The following SLC66A2 variants were observed in gnomAD, a reference collection of about 807,000 sequenced individuals.
The protein encoded by SLC66A2 is PQ loop repeat containing 1.
Under a neutral mutation model 25.5 loss-of-function variants are expected in SLC66A2, and 23 were observed. The ratio of observed to expected loss-of-function variants is 0.90; its 90% CI spans 0.65 to 1.28. The LOEUF is 1.28. Ranked by LOEUF, SLC66A2 falls within the 50% of genes most tolerant of loss-of-function variation. The pLI is 0.00. For synonymous variants in SLC66A2, 193 were observed against 166.5 expected, an observed-to-expected ratio of 1.16 and a Z score of -1.23; for missense variants, 396 against 373.1, an observed-to-expected ratio of 1.06 and a Z score of -0.51.
rs74469176 is a variant in SLC66A2, at chr18:79,940,674, C to G, written c.337+2655G>C. ...AGTGATGTTCCTGCCTTGCCCTCCC[C>G]TCTCCTGGCAGATGAGAGGACATGA... On this transcript the variant is annotated intron_variant, in intron 3 of 5. Transcript: ENST00000397778. The surrounding 1 kb of genome is among the most constrained non-coding windows in gnomAD (Gnocchi z 4.1). Among the ~76,000 whole-genome samples the G allele has an allele frequency of 6.6e-6, 1 of 152,100 alleles. No individual in the cohort carries two copies. The highest frequency in any genetic ancestry group is 1.9e-4 in the East Asian group (1 of 5,176).
At chr18:79,923,702 C>T (rs1252630848) in intron 4 of SLC66A2, among the ~76,000 whole-genome samples, 1 of 152,076 alleles carries the variant, frequency 6.6e-6, no homozygotes, top group African/African-American at 2.4e-5. Context: ...AGCTGTAAAA[C>T]CAAAAGCACA....
At chr18:79,942,922 T>C (rs985200808) in intron 3 of SLC66A2, among the ~76,000 whole-genome samples, 41 of 152,302 alleles carry the variant, frequency 2.7e-4, no homozygotes, top group African/African-American at 8.9e-4. Flanking sequence ...AAGGTACCCC[T>C]GAGTCACAGC....
chr18:79,929,175 C>A (rs1986303982), intron 4 of SLC66A2, among the ~76,000 whole-genome samples: 1 of 152,174 alleles, frequency 6.6e-6, no homozygotes, highest in Non-Finnish European at 1.5e-5. Flanking sequence ...AAAGGACAAC[C>A]AAGAGGAGCA....
rs1984449502 is a variant in SLC66A2 at position 79,918,098 on chromosome 18, CCT to C, written c.608+1084_608+1085del. 6.6e-6 allele frequency among the ~76,000 whole-genome samples: 1 copy of C among 152,088 alleles called. No homozygotes were observed. The highest frequency in any genetic ancestry group is 1.5e-5 in the Non-Finnish European group (1 of 68,004). On this transcript the variant is annotated intron_variant, in intron 5 of 5. Transcript: ENST00000397778. This position sits in a 1 kb window ranked among gnomAD's most constrained non-coding sequence, Gnocchi z 4.0. ...CCTACGACAAGCCCTCCTACCTTTA[CCT>C]CTCACGGGCAACTGAACCTACACAC...
At chr18:79,948,139 T>C (rs371411918) in intron 2 of SLC66A2, among the ~76,000 whole-genome samples, 30 of 152,338 alleles carry the variant, frequency 2.0e-4, no homozygotes, top group African/African-American at 5.3e-4. Context: ...AAGAGACCCA[T>C]GGACAAAGTT....
In SLC66A2 at chr18:79,918,694, A is replaced by G. The variant is rs1036097446; in HGVS notation, c.608+490T>C. Among the ~76,000 whole-genome samples, 2 of 152,216 alleles carry G rather than the reference A, an allele frequency of 1.3e-5. No homozygotes were observed. Among genetic ancestry groups the G allele is most frequent in the African/African-American group, 4.8e-5 (2 of 41,462 alleles). ...ACGCACTGGTGCAGGGCGCCCAGGC[A>G]TGGTCTGTGGTTCCGAACGTCAGCC... is the stretch of plus-strand genomic sequence containing the variant. On this transcript the variant is annotated intron_variant, in intron 5 of 5. Transcript: ENST00000397778. This position sits in a 1 kb window ranked among gnomAD's most constrained non-coding sequence, Gnocchi z 4.0.
At chr18:79,909,028 T>C (rs374801570) in intron 5 of SLC66A2, among the ~76,000 whole-genome samples, 33 of 152,224 alleles carry the variant, frequency 2.2e-4, no homozygotes, top group East Asian at 7.7e-4. Context: ...AACTCAACTC[T>C]TCATACATAA....
At chr18:79,939,576 C>T (rs147403629) in intron 3 of SLC66A2, among the ~76,000 whole-genome samples, 2,359 of 152,212 alleles carry the variant, frequency 0.015, 64 homozygotes, top group African/African-American at 0.054. Flanking sequence ...GGGCAAAGGA[C>T]ATGAACACTT....
At chr18:79,924,282 C>G (rs1439115217) in intron 4 of SLC66A2, among the ~76,000 whole-genome samples, 1 of 152,128 alleles carries the variant, frequency 6.6e-6, no homozygotes, top group Non-Finnish European at 1.5e-5. Context: ...ATTCATGCAA[C>G]AACACGGATG....
Position 79,918,474 on chromosome 18 carries a change from C to A in SLC66A2, c.608+710G>T, listed in dbSNP as rs1392506191. On this transcript the variant is annotated intron_variant, in intron 5 of 5. Transcript: ENST00000397778. The surrounding 1 kb of genome is among the most constrained non-coding windows in gnomAD (Gnocchi z 4.0). The stretch of plus-strand genomic sequence containing the variant: ...ACCGGGGAGGGTCCCCAGTGAGGAG[C>A]GGCACCGGGGGGTCCCCAGTGAGGA... 6.9e-6 allele frequency among the ~76,000 whole-genome samples: 1 copy of A among 144,990 alleles called. No individual in the cohort carries two copies. The highest frequency in any genetic ancestry group is 6.9e-5 in the Admixed American group (1 of 14,486).
chr18:79,914,249 C>T (rs1373367227), intron 5 of SLC66A2, among the ~76,000 whole-genome samples: 1 of 152,212 alleles, frequency 6.6e-6, no homozygotes, highest in Non-Finnish European at 1.5e-5. Flanking sequence ...TGTGTGTGCA[C>T]ATTTTAAATA....
At chr18:79,936,903 G>A (rs1476439345) in intron 3 of SLC66A2, among the ~76,000 whole-genome samples, 6 of 152,150 alleles carry the variant, frequency 3.9e-5, no homozygotes, top group South Asian at 2.1e-4. Flanking sequence ...GGAGGCCGGC[G>A]CTGGCATGGT....
chr18:79,934,151 ATAG>A, intron 3 of SLC66A2, 129 bp from the exon 4 acceptor site: 1 of 771,542 alleles, frequency 1.3e-6, no homozygotes, highest in Non-Finnish European at 2.1e-6. Flanking sequence ...ACAAACCAGA[ATAG>A]AAAGATCACA....
chr18:79,934,297 C>T (rs1875135852), intron 3 of SLC66A2, among the ~76,000 whole-genome samples: 1 of 152,156 alleles, frequency 6.6e-6, no homozygotes, highest in African/African-American at 2.4e-5. Flanking sequence ...AAAGTTACCA[C>T]ATTTCCATTT....
chr18:79,931,510 G>A (rs1986565749), intron 4 of SLC66A2, among the ~76,000 whole-genome samples: 1 of 152,154 alleles, frequency 6.6e-6, no homozygotes, highest in South Asian at 2.1e-4. Context: ...ACTGACAGAA[G>A]TGAAAAGAGA....
chr18:79,910,519 T>TTTTTC (rs1480309121), intron 5 of SLC66A2, among the ~76,000 whole-genome samples: 3 of 152,108 alleles, frequency 2.0e-5, no homozygotes, highest in African/African-American at 7.2e-5. Flanking sequence ...CTCACAAGAC[T>TTTTTC]TTTTCTAGTT....
intron 5 of SLC66A2, 115 bp downstream of exon 5, chr18:79,919,069 C>T (rs1178998704): frequency 1.1e-6 from 1 of 941,272 alleles, no homozygotes; most frequent in Admixed American, 2.2e-5. Context: ...GGCAGCTTCA[C>T]AGGTCAACGT....
In SLC66A2 at chr18:79,919,189, G is replaced by C. The variant is rs1984664310; in HGVS notation, c.603C>G (p.Gly201=). 3 of 1,612,834 alleles carry C rather than the reference G, an allele frequency of 1.9e-6. No homozygotes were observed. Among genetic ancestry groups the C allele is most frequent in the South Asian group, 1.1e-5 (1 of 91,088 alleles). ...YRNHRHQSTE[G]MSIKMVLMWT... ...TGGCGGCATCCCCGGCCTACCTCATGCCCTCCGTGGACTGGTGGCGGTGGT... is the reference window on the plus strand; with the variant it reads ...TGGCGGCATCCCCGGCCTACCTCATCCCCTCCGTGGACTGGTGGCGGTGGT... The change falls in exon 5 of 6, where the codon GGC becomes GGG. Residue 201 remains glycine (G), a synonymous_variant. Coordinates refer to ENST00000397778, the MANE Select transcript of SLC66A2 (RefSeq NM_025078.5).
intron 2 of SLC66A2, among the ~76,000 whole-genome samples, chr18:79,945,574 A>G (rs1239786984): frequency 6.6e-6 from 1 of 152,218 alleles, no homozygotes; most frequent in Non-Finnish European, 1.5e-5. Context: ...TAAGAGGCAA[A>G]CAGAAGAAGG....
Sources: gnomAD v4.1 joint callset for allele counts (sites outside exome capture counted in the v4.1 genomes callset) on GRCh38, gnomAD v4.1.1 for gene constraint, Gnocchi (gnomAD v3.1) non-coding constraint, MANE v1.5 for transcripts, NCBI Gene and HGNC (gene_info 2026-07-23, HGNC 2026-07-21) for gene names.